FAM120C: variants seen among roughly 807,000 people sequenced by gnomAD.
FAM120C encodes family with sequence similarity 120 member C.
A neutral mutation model predicts 71.2 loss-of-function variants in FAM120C; 14 were observed. The observed-to-expected ratio is 0.20, with a 90% confidence interval of 0.13 to 0.31. The LOEUF (loss-of-function observed/expected upper bound fraction) is 0.31. FAM120C is among the 10% of genes least tolerant of loss of function. The pLI is 1.00. For missense variants in FAM120C, 500 were observed against 879.0 expected, an observed-to-expected ratio of 0.57 and a Z score of 5.45; for synonymous variants, 354 against 353.2, an observed-to-expected ratio of 1.00 and a Z score of -0.03.
At chrX:54,168,701 C>T (rs894715824) in intron 1 of FAM120C, among the ~76,000 whole-genome samples, 2 of 111,781 alleles carry the variant, frequency 1.8e-5, no homozygotes, top group Non-Finnish European at 3.8e-5. Flanking sequence ...GAACCAGGCA[C>T]TAATATACGC....
chrX:54,139,593 G>A (rs202232467), intron 4 of FAM120C, among the ~76,000 whole-genome samples: 1 of 110,508 alleles, frequency 9.0e-6, no homozygotes, highest in East Asian at 2.8e-4. Context: ...CGTCCATCTC[G>A]GCCTCCCAAA....
chrX:54,073,242 G>A lies in FAM120C; in HGVS notation c.3082C>T (p.Arg1028Trp), dbSNP rs200341384. ...TTTCCATTTACCTGGGAGCGAGACC[G>A]ACCTTGATGAAGCTCCAGGGATTTA... ...VSKSLELHQGRSRSQVNGNSG... is the reference protein window; with the variant it reads ...VSKSLELHQGWSRSQVNGNSG... Residue 1028 changes from arginine (R) to tryptophan (W), a missense_variant, in exon 16 of 16, where the codon CGG becomes TGG. Coordinates refer to ENST00000375180, the MANE Select transcript of FAM120C (RefSeq NM_017848.6). 1.2e-5 allele frequency: 15 copies of A among 1,205,085 alleles called. No individual in the cohort carries two copies. Among genetic ancestry groups the A allele is most frequent in the African/African-American group, 3.5e-5 (2 of 56,805 alleles).
chrX:54,126,891 T>C (rs1344760033), intron 9 of FAM120C, among the ~76,000 whole-genome samples: 1 of 112,897 alleles, frequency 8.9e-6, no homozygotes, highest in African/African-American at 3.2e-5. Context: ...CTTAGTCAAT[T>C]TGGGCTGCTA....
At chrX:54,128,523 G>A (rs1393125697) in intron 9 of FAM120C, among the ~76,000 whole-genome samples, 2 of 109,459 alleles carry the variant, frequency 1.8e-5, no homozygotes, top group African/African-American at 6.7e-5. Context: ...CTCGCAGAGG[G>A]GGATTTGGCA....
Position 54,157,786 on chromosome X carries a change from T to C in FAM120C, c.947-15A>G, listed in dbSNP as rs1270029145. 1 of 1,130,120 alleles carries C rather than the reference T, an allele frequency of 8.8e-7. No individual in the cohort carries two copies. Among genetic ancestry groups the C allele is most frequent in the Admixed American group, 2.2e-5 (1 of 44,841 alleles). The allele number at this position is 1,130,120 out of a possible 1,213,427, so 93.1% of individuals were successfully genotyped here. A position where few individuals can be genotyped will look rare whatever the true frequency, so the allele number is the denominator to read the frequency against. On this transcript the variant is annotated splice_polypyrimidine_tract_variant and intron_variant, in intron 2 of 15. Transcript: ENST00000375180. ...GATGTGGTTACCTATAAAGTACATT[T>C]GTCATTCATTGACTGTACAAATGTT...
In FAM120C at chrX:54,068,766, A is replaced by C. The variant is rs2066696697; in HGVS notation, c.*4267T>G. The C allele has an allele frequency of 9.9e-6, 1 of 100,708 alleles. No homozygotes were observed. The highest frequency in any genetic ancestry group is 1.1e-4 in the Admixed American group (1 of 8,854). The allele number at this position is 100,708 out of a possible 1,213,427, so 8.3% of individuals were successfully genotyped here. On this transcript the variant is annotated 3_prime_UTR_variant, in exon 16 of 16. Transcript: ENST00000375180. ...TTCTTTACCTAGTGTGTTATTCTAAAAACAGAATAGAACAGAATAGAACAG... is the reference window on the plus strand; with the variant it reads ...TTCTTTACCTAGTGTGTTATTCTAACAACAGAATAGAACAGAATAGAACAG...
intron 9 of FAM120C, among the ~76,000 whole-genome samples, chrX:54,126,134 C>T (rs1362569336): frequency 8.9e-6 from 1 of 111,918 alleles, no homozygotes; most frequent in Non-Finnish European, 1.9e-5. Flanking sequence ...TCTACACAGA[C>T]TGACTATATG....
chrX:54,093,447 A>T (rs1198287506), intron 10 of FAM120C, among the ~76,000 whole-genome samples: 2 of 112,059 alleles, frequency 1.8e-5, no homozygotes, highest in Non-Finnish European at 3.8e-5. Context: ...AGAGGAGGGA[A>T]CATTTCCTAG....
chrX:54,132,070 T>A (rs1182888013), intron 9 of FAM120C, among the ~76,000 whole-genome samples: 4 of 109,173 alleles, frequency 3.7e-5, no homozygotes, highest in African/African-American at 1.3e-4. Flanking sequence ...TATTATTATT[T>A]TTTGAGACAG....
In FAM120C at chrX:54,091,429, AG is replaced by A; in HGVS notation, c.2313-4del. The A allele has an allele frequency of 8.6e-7, 1 of 1,168,010 alleles. No individual in the cohort carries two copies. Among genetic ancestry groups the A allele is most frequent in the Non-Finnish European group, 1.2e-6 (1 of 857,989 alleles). On this transcript the variant is annotated splice_polypyrimidine_tract_variant and splice_region_variant and intron_variant, in intron 10 of 15. Coordinates refer to ENST00000375180, the MANE Select transcript of FAM120C (RefSeq NM_017848.6). ...CACCAGGCCACTGAACCATGTACCT[AG>A]AAAATAAAAGCACTGTTATTAGGCC...
chrX:54,162,721 G>C lies in FAM120C; in HGVS notation c.700-3105C>G, dbSNP rs1373211292. On this transcript the variant is annotated intron_variant, in intron 1 of 15. Coordinates refer to ENST00000375180, the MANE Select transcript of FAM120C (RefSeq NM_017848.6). Reference sequence around the variant, plus strand: ...CTATCCAAGCTCGAGTAGCAAAGTAGTATTAGGTATCAATTAAGTACCTAC... The same window carrying C: ...CTATCCAAGCTCGAGTAGCAAAGTACTATTAGGTATCAATTAAGTACCTAC... Among the ~76,000 whole-genome samples the C allele has an allele frequency of 6.3e-5, 7 of 111,958 alleles. No individual in the cohort carries two copies. In the Admixed American group the frequency reaches 6.7e-4, roughly 11 times the overall value.
chrX:54,076,196 G>A (rs193269959), intron 15 of FAM120C, among the ~76,000 whole-genome samples: 65 of 110,535 alleles, frequency 5.9e-4, no homozygotes, highest in African/African-American at 2.1e-3. Context: ...AAAATTCGCC[G>A]GGTGTGGTGG....
At chrX:54,093,183 GC>G (rs1429852829) in intron 10 of FAM120C, among the ~76,000 whole-genome samples, 3 of 111,822 alleles carry the variant, frequency 2.7e-5, no homozygotes, top group African/African-American at 9.7e-5. Flanking sequence ...ATCTGGTCAT[GC>G]CAAGCCAAAA....
At chrX:54,173,247 AATG>A (rs1557136183) in intron 1 of FAM120C, among the ~76,000 whole-genome samples, 1 of 112,224 alleles carries the variant, frequency 8.9e-6, no homozygotes, top group African/African-American at 3.2e-5. Flanking sequence ...ATTTTTGTAT[AATG>A]ATATTTCTTT....
chrX:54,161,286 G>A (rs1467213226), intron 1 of FAM120C, among the ~76,000 whole-genome samples: 1 of 111,522 alleles, frequency 9.0e-6, no homozygotes, highest in Non-Finnish European at 1.9e-5. Context: ...ACCTCACCAT[G>A]CAGGTATTAG....
In FAM120C at chrX:54,183,100, C is replaced by T. The variant is rs1603367196; in HGVS notation, c.99G>A (p.Gln33=). The change falls in exon 1 of 16, where the codon CAG becomes CAA. Residue 33 remains glutamine (Q), a synonymous_variant. Transcript: ENST00000375180. ...GGCGGTGCAAGTGCTGCTGCTGCTGCTGGCGCGAGACCGTGCGCGCGAGTT... is the reference window on the plus strand; with the variant it reads ...GGCGGTGCAAGTGCTGCTGCTGCTGTTGGCGCGAGACCGTGCGCGCGAGTT... ...LLKLARTVSR[Q]QQQQHLHRQL... 1.7e-6 allele frequency: 2 copies of T among 1,156,823 alleles called. No individual in the cohort carries two copies. The highest frequency in any genetic ancestry group is 6.6e-5 in the East Asian group (2 of 30,407).
chrX:54,138,964 TTGAATA>T (rs2067109161), intron 4 of FAM120C, among the ~76,000 whole-genome samples: 3 of 112,601 alleles, frequency 2.7e-5, no homozygotes, highest in African/African-American at 9.6e-5. Context: ...AAAAGTCTCC[TTGAATA>T]TAATTTTAAG....
chrX:54,072,180 C>CACAA lies in FAM120C; in HGVS notation c.*852_*853insTTGT, dbSNP rs1308477010. 9.7e-6 allele frequency: 1 copy of CACAA among 103,390 alleles called. No homozygotes were observed. The highest frequency in any genetic ancestry group is 3.1e-4 in the East Asian group (1 of 3,211). The allele number at this position is 103,390 out of a possible 1,213,427, so 8.5% of individuals were successfully genotyped here. The stretch of plus-strand genomic sequence containing the variant: ...ACATTCACACACACACACACACACA[C>CACAA]ACACACACACACACACACACAGTCT... On this transcript the variant is annotated 3_prime_UTR_variant, in exon 16 of 16. Transcript: ENST00000375180.
chrX:54,176,614 T>TA (rs2067320035), intron 1 of FAM120C, among the ~76,000 whole-genome samples: 1 of 111,325 alleles, frequency 9.0e-6, no homozygotes, highest in Admixed American at 9.6e-5. Flanking sequence ...CATTGCTAAG[T>TA]AGCTACAAAA....
Sources: gnomAD v4.1 joint callset for allele counts (sites outside exome capture counted in the v4.1 genomes callset) on GRCh38, gnomAD v4.1.1 for gene constraint, MANE v1.5 for transcripts, NCBI Gene and HGNC (gene_info 2026-07-23, HGNC 2026-07-21) for gene names.